The following ECE2 variants were observed in gnomAD, a reference collection of about 807,000 sequenced individuals.
ECE2 encodes the protein endothelin converting enzyme 2.
Under a neutral mutation model 100.6 loss-of-function variants are expected in ECE2, and 81 were observed. That is an observed-to-expected ratio of 0.81 (90% CI 0.67 to 0.97). The LOEUF is 0.97. ECE2 is among the 50% of genes least tolerant of loss of function. ECE2 has a pLI of 0.00. For synonymous variants in ECE2, 391 were observed against 391.5 expected, an observed-to-expected ratio of 1.00 and a Z score of 0.02; for missense variants, 911 against 988.1, an observed-to-expected ratio of 0.92 and a Z score of 1.05.
intron 8 of ECE2, 37 bp from the exon 9 acceptor site, chr3:184,284,926 A>G: frequency 6.2e-7 from 1 of 1,603,272 alleles, no homozygotes; most frequent in Non-Finnish European, 8.5e-7. Flanking sequence ...GCTGGAAGCG[A>G]GTCGGGCAGG....
Position 184,290,253 on chromosome 3 carries a change from A to G in ECE2, c.1552-2A>G. 3 of 1,612,220 alleles carry G rather than the reference A, an allele frequency of 1.9e-6. No homozygotes were observed. Among genetic ancestry groups the G allele is most frequent in the Non-Finnish European group, 2.5e-6 (3 of 1,178,594 alleles). ...TCTTTCTACTTCCCACCTTTCCCAC[A>G]GTACGAAATTTCTGAAGATTCTTTC... is the stretch of plus-strand genomic sequence containing the variant. On this transcript the variant is annotated splice_acceptor_variant, in intron 13 of 18. Transcript: ENST00000404464. LOFTEE classifies it high-confidence loss of function.
rs538945419 is a variant in ECE2 at position 184,276,780 on chromosome 3, C to G, written c.127-112C>G. ...ACTCACTGGCTGGCCTCATTGCCCC[C>G]GGGCCCAGAGTTAACCCTGTGGCTC... is the stretch of plus-strand genomic sequence containing the variant. On this transcript the variant is annotated intron_variant, in intron 2 of 18. Coordinates refer to ENST00000404464, the MANE Select transcript of ECE2 (RefSeq NM_001100121.2). 1.8e-4 allele frequency: 280 copies of G among 1,562,950 alleles called. No homozygotes were observed. In the South Asian group the frequency reaches 2.2e-3, roughly 12 times the overall value.
At chr3:184,290,972 TG>T in intron 16 of ECE2, 67 bp from the exon 17 acceptor site, 1 of 1,576,610 alleles carries the variant, frequency 6.3e-7, no homozygotes, top group Non-Finnish European at 8.6e-7. Flanking sequence ...CCAGGGCTGG[TG>T]GGGGCACTGC....
At chr3:184,285,920 G>A (rs1721018736) in intron 10 of ECE2, among the ~76,000 whole-genome samples, 1 of 152,160 alleles carries the variant, frequency 6.6e-6, no homozygotes, top group African/African-American at 2.4e-5. Flanking sequence ...CGGCTTTGAT[G>A]AGGAGGATGG....
intron 7 of ECE2, among the ~76,000 whole-genome samples, chr3:184,281,028 T>C (rs1360209064): frequency 6.6e-6 from 1 of 150,792 alleles, no homozygotes; most frequent in Non-Finnish European, 1.5e-5. Context: ...ACAAAGGCTT[T>C]GAAGAGGTGA....
chr3:184,284,006 AG>A, intron 8 of ECE2, 33 bp downstream of exon 8: 1 of 1,610,140 alleles, frequency 6.2e-7, no homozygotes, highest in African/African-American at 1.3e-5. Flanking sequence ...GACAACTGAG[AG>A]GGGCCAGCCT....
chr3:184,277,402 T>C lies in ECE2; in HGVS notation c.414T>C (p.Arg138=), dbSNP rs1339081635. 6.2e-7 allele frequency: 1 copy of C among 1,614,106 alleles called. No homozygotes were observed. Among genetic ancestry groups the C allele is most frequent in the Non-Finnish European group, 8.5e-7 (1 of 1,180,036 alleles). Residue 138 remains arginine, a synonymous_variant, in exon 4 of 19, where the codon CGT becomes CGC. Coordinates refer to ENST00000404464, the MANE Select transcript of ECE2 (RefSeq NM_001100121.2). ...GGAGGAACCCCCTGCCCGATGGGCGTTCTCGCTGGAACACCTTCAACAGCC... is the reference window on the plus strand; with the variant it reads ...GGAGGAACCCCCTGCCCGATGGGCGCTCTCGCTGGAACACCTTCAACAGCC... ...WIRRNPLPDG[R]SRWNTFNSLW...
chr3:184,278,790 G>T (rs1720689957), intron 7 of ECE2: 1 of 563,014 alleles, frequency 1.8e-6, no homozygotes, highest in Admixed American at 3.4e-5. Context: ...CACCTACTGT[G>T]TGCCAGGTCC....
intron 2 of ECE2, 112 bp from the exon 3 acceptor site, chr3:184,276,780 C>CG: frequency 1.3e-6 from 2 of 1,562,954 alleles, no homozygotes; most frequent in Non-Finnish European, 1.7e-6. Flanking sequence ...TCATTGCCCC[C>CG]GGGCCCAGAG....
chr3:184,284,009 G>T, intron 8 of ECE2, 36 bp downstream of exon 8: 1 of 1,607,918 alleles, frequency 6.2e-7, no homozygotes, highest in Non-Finnish European at 8.5e-7. Context: ...AACTGAGAGG[G>T]GCCAGCCTTG....
In ECE2 at chr3:184,276,131, TC is replaced by T; in HGVS notation, c.-22del. 7.5e-7 allele frequency: 1 copy of T among 1,337,800 alleles called. No individual in the cohort carries two copies. Among genetic ancestry groups the T allele is most frequent in the South Asian group, 2.0e-5 (1 of 50,870 alleles). 82.9% of individuals were successfully genotyped at this position (1,337,800 alleles called of 1,614,324 possible). A position where few individuals can be genotyped will look rare whatever the true frequency, so the allele number is the denominator to read the frequency against. ...CGGGCCAGCTGCCGGGAGCCCTGAA[TC>T]ACCGCCTGGCCCGACTCCACCATGA... On this transcript the variant is annotated 5_prime_UTR_variant, in exon 1 of 19. Transcript: ENST00000404464.
At position 184,290,557 on chromosome 3, in the gene ECE2, G is replaced by C. The variant is rs2108433305; in HGVS notation, c.1656G>C (p.Gln552His). 1 of 1,613,900 alleles carries C rather than the reference G, an allele frequency of 6.2e-7. No homozygotes were observed. The highest frequency in any genetic ancestry group is 8.5e-7 in the Non-Finnish European group (1 of 1,179,856). Residue 552 changes from glutamine to histidine, a missense_variant and splice_region_variant, in exon 15 of 19, where the codon CAG becomes CAC. Transcript: ENST00000404464. ...DQLRKPPSRD[Q>H]WSMTPQTVNA... ...CAGCCCCTCACTCTTCCTCCGCCAGGTGGAGCATGACCCCCCAGACAGTGA... is the reference window on the plus strand; with the variant it reads ...CAGCCCCTCACTCTTCCTCCGCCAGCTGGAGCATGACCCCCCAGACAGTGA...
At position 184,285,408 on chromosome 3, in the gene ECE2, TG is replaced by T. The variant is rs1261032783; in HGVS notation, c.1149-65del. 1.4e-5 allele frequency: 17 copies of T among 1,238,262 alleles called. No homozygotes were observed. In the African/African-American group the frequency reaches 1.5e-4, roughly 11 times the overall value. The allele number at this position is 1,238,262 out of a possible 1,614,324, so 76.7% of individuals were successfully genotyped here. A position where few individuals can be genotyped will look rare whatever the true frequency, so the allele number is the denominator to read the frequency against. On this transcript the variant is annotated intron_variant, in intron 9 of 18. Coordinates refer to ENST00000404464, the MANE Select transcript of ECE2 (RefSeq NM_001100121.2). ...GGGACTCCTGCAACTTGCATGTTCC[TG>T]GGGGCTGGTTTGAGGGGTGTGAAGG...
In ECE2 at chr3:184,291,950, T is replaced by G. The variant is rs1322421016; in HGVS notation, c.2122-112T>G. 2 of 1,306,564 alleles carry G rather than the reference T, an allele frequency of 1.5e-6. No homozygotes were observed. The highest frequency in any genetic ancestry group is 2.1e-6 in the Non-Finnish European group (2 of 947,238). The allele number at this position is 1,306,564 out of a possible 1,614,324, so 80.9% of individuals were successfully genotyped here. A position where few individuals can be genotyped will look rare whatever the true frequency, so the allele number is the denominator to read the frequency against. The stretch of plus-strand genomic sequence containing the variant: ...TGTCCAGGGCAGTTTTGGAAGGAAC[T>G]TGGGAGGGGCTGCAGCGGTGGTGGT... On this transcript the variant is annotated intron_variant, in intron 18 of 18. Coordinates refer to ENST00000404464, the MANE Select transcript of ECE2 (RefSeq NM_001100121.2). This position sits in a 1 kb window ranked among gnomAD's most constrained non-coding sequence, Gnocchi z 4.1.
At chr3:184,283,009 G>A (rs923033173) in intron 7 of ECE2, among the ~76,000 whole-genome samples, 3 of 152,150 alleles carry the variant, frequency 2.0e-5, no homozygotes, top group Admixed American at 6.5e-5. Context: ...CCATGGCCCC[G>A]ATCCCCTGTG....
At chr3:184,281,580 G>A (rs1720815484) in intron 7 of ECE2, among the ~76,000 whole-genome samples, 1 of 152,238 alleles carries the variant, frequency 6.6e-6, no homozygotes, top group Non-Finnish European at 1.5e-5. Flanking sequence ...GAAATGGAAA[G>A]GGAAACTCAA....
Position 184,278,245 on chromosome 3 carries a change from A to T in ECE2, c.682A>T (p.Arg228Trp), listed in dbSNP as rs773858605. 6.2e-6 allele frequency: 10 copies of T among 1,614,194 alleles called. No individual in the cohort carries two copies. The East Asian group carries it at 2.0e-4, about 32-fold the overall frequency. ...EVLKAVAGTY[R>W]ATPFFTVYIS... ...GTTGAAGGCAGTAGCAGGGACCTAC[A>T]GGGCCACCCCATTCTTCACCGTCTA... The change falls in exon 6 of 19, where the codon AGG (arginine) becomes TGG (tryptophan). Residue 228 changes from arginine (R) to tryptophan (W), a missense_variant. By Grantham distance (101) the Arg-to-Trp change is moderately radical (BLOSUM62 -3). Coordinates refer to ENST00000404464, the MANE Select transcript of ECE2 (RefSeq NM_001100121.2).
chr3:184,288,378 G>T lies in ECE2; in HGVS notation c.1374+431G>T, dbSNP rs904248100. ...GGATGTAAATTGATGAACAAATGAA[G>T]TAGTGCTGCTTTGGGCAGTGGGATT... On this transcript the variant is annotated intron_variant, in intron 11 of 18. Coordinates refer to ENST00000404464, the MANE Select transcript of ECE2 (RefSeq NM_001100121.2). Among the ~76,000 whole-genome samples, 7 of 151,450 alleles carry T rather than the reference G, an allele frequency of 4.6e-5. No individual in the cohort carries two copies. In the East Asian group the frequency reaches 1.4e-3, roughly 29 times the overall value.
intron 10 of ECE2, among the ~76,000 whole-genome samples, chr3:184,285,910 C>T (rs1157042983): frequency 2.6e-5 from 4 of 152,088 alleles, no homozygotes; most frequent in African/African-American, 7.2e-5. Flanking sequence ...TATAGGCACT[C>T]GGCTTTGATG....
Sources: allele counts gnomAD v4.1 joint callset (sites outside exome capture counted in the v4.1 genomes callset), GRCh38; gene constraint gnomAD v4.1.1; non-coding constraint Gnocchi (gnomAD v3.1); transcripts MANE v1.5; gene names NCBI Gene and HGNC (gene_info 2026-07-23, HGNC 2026-07-21).